Variants in BABAM2 observed in about 807,000 individuals in gnomAD.
BABAM2 encodes the protein BRISC and BRCA1-A complex member 2.
In BABAM2, 31 loss-of-function variants were observed where a neutral mutation model predicts 54.7. That is an observed-to-expected ratio of 0.57 (90% CI 0.43 to 0.77). The LOEUF is 0.77. Among genes scored for constraint, BABAM2 ranks in the 30% least tolerant of loss-of-function variants. The pLI is 0.00. For synonymous variants in BABAM2, 167 were observed against 162.9 expected (o/e 1.03, Z -0.19); for missense variants, 364 against 455.8 (o/e 0.80, Z 1.83).
intron 6 of BABAM2, among the ~76,000 whole-genome samples, chr2:28,090,607 A>T (rs576083812): frequency 6.6e-6 from 1 of 152,180 alleles, no homozygotes; most frequent in South Asian, 2.1e-4. Context: ...GGAATCTTTA[A>T]TTTTGAAGTT....
intron 5 of BABAM2, among the ~76,000 whole-genome samples, chr2:28,029,567 T>C (rs899033795): frequency 2.0e-5 from 3 of 152,090 alleles, no homozygotes; most frequent in South Asian, 4.1e-4. Flanking sequence ...TTCAATTGAG[T>C]GTATTTACCA....
intron 7 of BABAM2, among the ~76,000 whole-genome samples, chr2:28,144,840 C>T (rs1324190534): frequency 6.6e-6 from 1 of 152,200 alleles, no homozygotes; most frequent in Non-Finnish European, 1.5e-5. Flanking sequence ...CAGAGGTCAA[C>T]AATGAGTATG....
At chr2:28,088,488 G>A (rs566583509) in intron 6 of BABAM2, among the ~76,000 whole-genome samples, 13 of 152,280 alleles carry the variant, frequency 8.5e-5, no homozygotes, top group South Asian at 2.1e-4. Context: ...AGGTGTGGAC[G>A]AAGATGGCCC....
At chr2:28,284,307 T>C (rs1224772620) in intron 10 of BABAM2, among the ~76,000 whole-genome samples, 3 of 150,952 alleles carry the variant, frequency 2.0e-5, no homozygotes, top group Non-Finnish European at 4.4e-5. Flanking sequence ...CAGAAAACAG[T>C]AGCAAGAAAA....
chr2:28,016,064 A>G, intron 4 of BABAM2: 1 of 750,908 alleles, frequency 1.3e-6, no homozygotes, highest in African/African-American at 1.7e-5. Flanking sequence ...GACCTTTCAG[A>G]AGATTTATGT....
At position 28,325,986 on chromosome 2, in the gene BABAM2, C is replaced by G. The variant is rs1323034996; in HGVS notation, c.1089-12464C>G. 6.6e-6 allele frequency among the ~76,000 whole-genome samples: 1 copy of G among 152,236 alleles called. No homozygotes were observed. The highest frequency in any genetic ancestry group is 1.5e-5 in the Non-Finnish European group (1 of 68,042). Reference sequence around the variant, plus strand: ...GAGGCCCTCCTTTGGGAGTCCTGCACTTTGCTGTGGAGGCTGATGCCTGAC... The same window carrying G: ...GAGGCCCTCCTTTGGGAGTCCTGCAGTTTGCTGTGGAGGCTGATGCCTGAC... On this transcript the variant is annotated intron_variant, in intron 11 of 11. Transcript: ENST00000379624. The surrounding 1 kb of genome is among the most constrained non-coding windows in gnomAD (Gnocchi z 4.3).
chr2:28,088,214 T>C (rs995924626), intron 6 of BABAM2, among the ~76,000 whole-genome samples: 1 of 152,132 alleles, frequency 6.6e-6, no homozygotes, highest in Admixed American at 6.6e-5. Flanking sequence ...CAGTAAAAAG[T>C]GTTTAAGAAT....
intron 7 of BABAM2, among the ~76,000 whole-genome samples, chr2:28,188,855 G>A (rs1328264353): frequency 6.6e-6 from 1 of 152,170 alleles, no homozygotes; most frequent in South Asian, 2.1e-4. Context: ...ATTGAACACA[G>A]ACTAGTTTCA....
At chr2:28,240,357 G>A (rs958160658) in intron 8 of BABAM2, among the ~76,000 whole-genome samples, 5 of 151,940 alleles carry the variant, frequency 3.3e-5, no homozygotes, top group African/African-American at 1.2e-4. Context: ...TTCCTGGCCT[G>A]AAGTAATCCT....
intron 7 of BABAM2, among the ~76,000 whole-genome samples, chr2:28,185,653 A>G (rs969078476): frequency 7.9e-5 from 12 of 152,156 alleles, no homozygotes; most frequent in Admixed American, 4.6e-4. Flanking sequence ...AGAGAGTGAG[A>G]TGAAGTATTT....
At chr2:27,983,619 T>A (rs1475436551) in intron 3 of BABAM2, among the ~76,000 whole-genome samples, 1 of 152,088 alleles carries the variant, frequency 6.6e-6, no homozygotes. Flanking sequence ...TATTTAGGCC[T>A]TTTTTAATTT....
chr2:28,067,720 T>TG (rs1209575877), intron 6 of BABAM2, among the ~76,000 whole-genome samples: 1 of 152,012 alleles, frequency 6.6e-6, no homozygotes, highest in Non-Finnish European at 1.5e-5. Flanking sequence ...GGAAGGCACA[T>TG]GGAGGGAAGG....
At chr2:28,142,338 C>T (rs1671138234) in intron 7 of BABAM2, among the ~76,000 whole-genome samples, 2 of 152,082 alleles carry the variant, frequency 1.3e-5, no homozygotes, top group Admixed American at 6.6e-5. Flanking sequence ...AGGGAATGAA[C>T]CTCCTGTCTG....
chr2:27,907,882 A>G (rs1417549472), intron 2 of BABAM2, among the ~76,000 whole-genome samples: 1 of 152,180 alleles, frequency 6.6e-6, no homozygotes, highest in African/African-American at 2.4e-5. Context: ...ATAGTATTTC[A>G]ATGTATGTAT....
rs575999328 is a variant in BABAM2 at position 28,080,986 on chromosome 2, T to C, written c.570+35187T>C. On this transcript the variant is annotated intron_variant, in intron 6 of 11. Coordinates refer to ENST00000379624, the MANE Select transcript of BABAM2 (RefSeq NM_199191.3). ...GATCTTTTGTTACCATAAAAGGCAA[T>C]GTATCATGCTTTCCTGTTTTGCATG... is the stretch of plus-strand genomic sequence containing the variant. Among the ~76,000 whole-genome samples the C allele has an allele frequency of 4.5e-4, 68 of 152,288 alleles. No individual in the cohort carries two copies. The Middle Eastern group carries it at 0.024, about 53-fold the overall frequency.
At chr2:28,249,612 A>G (rs911148292) in intron 10 of BABAM2, among the ~76,000 whole-genome samples, 3 of 152,186 alleles carry the variant, frequency 2.0e-5, no homozygotes, top group African/African-American at 7.2e-5. Context: ...ACTTTATGCA[A>G]GACACAGTTA....
intron 3 of BABAM2, among the ~76,000 whole-genome samples, chr2:27,971,977 A>G (rs1261705357): frequency 6.6e-6 from 1 of 152,218 alleles, no homozygotes; most frequent in Non-Finnish European, 1.5e-5. Context: ...AATTTATAGC[A>G]TTTGGCTTAA....
intron 7 of BABAM2, among the ~76,000 whole-genome samples, chr2:28,208,987 G>C (rs534391175): frequency 3.9e-5 from 6 of 152,148 alleles, no homozygotes; most frequent in African/African-American, 1.4e-4. Context: ...TTCAGGCTTG[G>C]TGTTCTCAGG....
chr2:28,002,993 G>A (rs1455727289), intron 4 of BABAM2, among the ~76,000 whole-genome samples: 1 of 151,934 alleles, frequency 6.6e-6, no homozygotes, highest in Admixed American at 6.6e-5. Flanking sequence ...AGCTAAAGAG[G>A]GTATAAAATT....
Sources: gnomAD v4.1 joint callset for allele counts (sites outside exome capture counted in the v4.1 genomes callset) on GRCh38, gnomAD v4.1.1 for gene constraint, Gnocchi (gnomAD v3.1) non-coding constraint, MANE v1.5 for transcripts, NCBI Gene and HGNC (gene_info 2026-07-23, HGNC 2026-07-21) for gene names.